CDC25C: variants seen among roughly 807,000 people sequenced by gnomAD.
The protein encoded by CDC25C is M-phase inducer phosphatase 3.
CDC25C carries 48 observed loss-of-function variants against 52.5 expected under a neutral mutation model. The observed-to-expected ratio is 0.91, with a 90% confidence interval of 0.72 to 1.16. The LOEUF is 1.16. Among genes scored for constraint, CDC25C ranks in the 50% most tolerant of loss-of-function variants. The probability of loss-of-function intolerance (pLI) is 0.00; values close to 1 mark genes in which losing one functional copy is unlikely to be tolerated. For missense variants in CDC25C, 510 were observed against 566.1 expected (o/e 0.90, Z 1.01); for synonymous variants, 187 against 206.5 (o/e 0.91, Z 0.81).
intron 4 of CDC25C, among the ~76,000 whole-genome samples, chr5:138,326,653 T>G (rs1759883196): frequency 6.6e-6 from 1 of 152,108 alleles, no homozygotes; most frequent in African/African-American, 2.4e-5. Context: ...GGCTAACTTT[T>G]TAAAAAAATT....
At chr5:138,327,081 C>A (rs1336647516) in intron 4 of CDC25C, among the ~76,000 whole-genome samples, 2 of 151,170 alleles carry the variant, frequency 1.3e-5, no homozygotes, top group Admixed American at 6.6e-5. Flanking sequence ...ATGGTGAAAC[C>A]CTGTCTCTAC....
At chr5:138,286,472 C>A (rs1300305227) in intron 12 of CDC25C, 25 bp downstream of exon 12, 2 of 1,597,072 alleles carry the variant, frequency 1.3e-6, no homozygotes, top group Non-Finnish European at 8.5e-7. Flanking sequence ...TTCCATCACC[C>A]GCCAGACCCC....
At chr5:138,304,626 C>T (rs1757871310) in intron 7 of CDC25C, among the ~76,000 whole-genome samples, 1 of 151,974 alleles carries the variant, frequency 6.6e-6, no homozygotes, top group Non-Finnish European at 1.5e-5. Flanking sequence ...CTGTCTCTGC[C>T]TCCCAAGTGG....
At chr5:138,292,216 TC>T in intron 7 of CDC25C, 100 bp from the exon 8 acceptor site, 2 of 944,638 alleles carry the variant, frequency 2.1e-6, no homozygotes, top group Non-Finnish European at 1.6e-6. Context: ...AATGCAGGTT[TC>T]CAGATGTTAG....
At chr5:138,291,121 A>AT (rs1561670113) in intron 8 of CDC25C, among the ~76,000 whole-genome samples, 1 of 151,984 alleles carries the variant, frequency 6.6e-6, no homozygotes, top group Non-Finnish European at 1.5e-5. Flanking sequence ...TAGAATTTTA[A>AT]TTTTTTATTT....
chr5:138,321,186 T>C (rs1231882911), intron 6 of CDC25C, among the ~76,000 whole-genome samples: 1 of 152,054 alleles, frequency 6.6e-6, no homozygotes, highest in Non-Finnish European at 1.5e-5. Flanking sequence ...GAGGTTATCA[T>C]TGGCTGGGCA....
At chr5:138,315,814 G>T (rs1376132089) in intron 7 of CDC25C, among the ~76,000 whole-genome samples, 1 of 152,230 alleles carries the variant, frequency 6.6e-6, no homozygotes, top group African/African-American at 2.4e-5. Context: ...AGAGGCCAAG[G>T]TGTTGGCAGC....
chr5:138,313,612 C>T (rs1302727407), intron 7 of CDC25C, among the ~76,000 whole-genome samples: 4 of 151,994 alleles, frequency 2.6e-5, no homozygotes, highest in South Asian at 2.1e-4. Flanking sequence ...TTTCTGATTC[C>T]TGGCTAATAT....
upstream of CDC25C, among the ~76,000 whole-genome samples, chr5:138,334,656 A>G (rs1760597884): frequency 6.6e-6 from 1 of 152,216 alleles, no homozygotes; most frequent in South Asian, 2.1e-4. Context: ...CCAGCCAACA[A>G]AACTCTTAAA....
chr5:138,317,682 T>TAAAAAAAAAAAAAAAAAAAAAAAAAA (rs70982706), intron 7 of CDC25C, among the ~76,000 whole-genome samples: 1 of 54,260 alleles, frequency 1.8e-5, no homozygotes, highest in East Asian at 6.9e-4. Context: ...CCTGTCTATC[T>TAAAAAAAAAAAAAAAAAAAAAAAAAA]AAAAAAAAAA....
In CDC25C at chr5:138,303,387, C is replaced by T. The variant is rs375698708; in HGVS notation, c.616-11271G>A. ...CACATGAGGAGATGCTTCCATCTGA[C>T]TCGGTTTTTGCAGTCTTTACAAATG... On this transcript the variant is annotated intron_variant, in intron 7 of 13. Coordinates refer to ENST00000323760, the MANE Select transcript of CDC25C (RefSeq NM_001790.5). Among the ~76,000 whole-genome samples, 28 of 152,182 alleles carry T rather than the reference C, an allele frequency of 1.8e-4. No homozygotes were observed. The East Asian group carries it at 5.4e-3, about 29-fold the overall frequency.
intron 6 of CDC25C, among the ~76,000 whole-genome samples, chr5:138,320,539 G>C (rs1190142605): frequency 6.6e-6 from 1 of 152,028 alleles, no homozygotes. Context: ...GAAAATATAG[G>C]CTGGACGCAG....
chr5:138,301,936 T>G (rs1359478412), intron 7 of CDC25C, among the ~76,000 whole-genome samples: 1 of 152,020 alleles, frequency 6.6e-6, no homozygotes, highest in Non-Finnish European at 1.5e-5. Flanking sequence ...GCTCCTGACC[T>G]CAGGTGATCC....
Position 138,308,786 on chromosome 5 carries a change from T to C in CDC25C, c.615+10433A>G, listed in dbSNP as rs150914231. ...AACATAACGCTCAAAATTTAGTGTA[T>C]ATCAGAATTACCTGGGAAAATTGCT... On this transcript the variant is annotated intron_variant, in intron 7 of 13. Transcript: ENST00000323760. Among the ~76,000 whole-genome samples, 8 of 152,248 alleles carry C rather than the reference T, an allele frequency of 5.3e-5. No homozygotes were observed. The East Asian group carries it at 1.5e-3, about 29-fold the overall frequency.
chr5:138,322,279 G>A (rs1318112005), intron 6 of CDC25C, among the ~76,000 whole-genome samples: 1 of 146,216 alleles, frequency 6.8e-6, no homozygotes, highest in Admixed American at 6.9e-5. Context: ...GGGATTACAG[G>A]CGTGAGCCAC....
Position 138,325,664 on chromosome 5 carries a change from A to G in CDC25C, c.459+151T>C, listed in dbSNP as rs557969811. 2.4e-5 allele frequency: 15 copies of G among 620,022 alleles called. No homozygotes were observed. The South Asian group carries it at 2.9e-4, about 12-fold the overall frequency. The allele number at this position is 620,022 out of a possible 1,614,324, so 38.4% of individuals were successfully genotyped here. ...TAGGGCCAAACTTTAATAAGAAAAA[A>G]CAAAAACAAAGAAATTTTCTCCCCT... is the stretch of plus-strand genomic sequence containing the variant. On this transcript the variant is annotated intron_variant, in intron 6 of 13. Coordinates refer to ENST00000323760, the MANE Select transcript of CDC25C (RefSeq NM_001790.5).
chr5:138,327,535 C>G (rs576580785), intron 4 of CDC25C, among the ~76,000 whole-genome samples: 45 of 151,928 alleles, frequency 3.0e-4, no homozygotes, highest in Middle Eastern at 3.4e-3. Context: ...ACTCGGGAGG[C>G]TGAGGCAGGA....
In CDC25C at chr5:138,286,592, G is replaced by A. The variant is rs1310624274; in HGVS notation, c.1065C>T (p.Asn355=). 6.2e-7 allele frequency: 1 copy of A among 1,613,392 alleles called. No individual in the cohort carries two copies. The highest frequency in any genetic ancestry group is 8.5e-7 in the Non-Finnish European group (1 of 1,179,488). ...LNLYSQEELF[N]FFLKKPIVPL... is the part of the protein sequence containing the mutation. The stretch of plus-strand genomic sequence containing the variant: ...GGACGATGGGCTTCTTCAGAAAGAA[G>A]TTAAACAGTTCTTCCTGACTATATA... Residue 355 remains asparagine, a synonymous_variant, in exon 12 of 14, where the codon AAC becomes AAT. Transcript: ENST00000323760.
intron 8 of CDC25C, among the ~76,000 whole-genome samples, 180 bp from the exon 9 acceptor site, chr5:138,290,920 A>T (rs894702920): frequency 1.3e-5 from 2 of 152,054 alleles, no homozygotes; most frequent in East Asian, 3.9e-4. Context: ...GCACCACTGC[A>T]CTCCAGTCTG....
Sources: gnomAD v4.1 joint callset for allele counts (sites outside exome capture counted in the v4.1 genomes callset) on GRCh38, gnomAD v4.1.1 for gene constraint, MANE v1.5 for transcripts, NCBI Gene and HGNC (gene_info 2026-07-23, HGNC 2026-07-21) for gene names.